AMZ1: variants seen among roughly 807,000 people sequenced by gnomAD.
AMZ1 encodes archaemetzincin-1.
AMZ1 carries 39 observed loss-of-function variants against 29.9 expected under a neutral mutation model. The observed-to-expected ratio is 1.30, with a 90% CI of 1.01 to 1.70. The LOEUF is 1.70. Ranked by LOEUF, AMZ1 falls within the 40% of genes most tolerant of loss-of-function variation. The pLI is 0.00. For synonymous variants in AMZ1, 458 were observed against 304.0 expected (o/e 1.51, Z -5.27); for missense variants, 1,041 against 680.6 (o/e 1.53, Z -5.89).
At chr7:2,695,866 C>T (rs959752506) in intron 1 of AMZ1, among the ~76,000 whole-genome samples, 40 of 151,858 alleles carry the variant, frequency 2.6e-4, no homozygotes, top group East Asian at 1.7e-3. Context: ...CAAAATTAGC[C>T]GGGCGTGGTG....
At chr7:2,707,639 A>T (rs1429294188) in intron 3 of AMZ1, among the ~76,000 whole-genome samples, 1 of 151,966 alleles carries the variant, frequency 6.6e-6, no homozygotes, top group Admixed American at 6.6e-5. Context: ...GAGCGCCCCC[A>T]CTGCCCAGGC....
intron 4 of AMZ1, among the ~76,000 whole-genome samples, chr7:2,741,562 C>G (rs1482320670): frequency 6.6e-6 from 1 of 152,120 alleles, no homozygotes; most frequent in Non-Finnish European, 1.5e-5. Context: ...AATTCCAAGT[C>G]TCTTTGGGGC....
intron 4 of AMZ1, chr7:2,733,402 G>A (rs1370247743): frequency 3.3e-6 from 4 of 1,205,110 alleles, no homozygotes; most frequent in Admixed American, 2.4e-5. Context: ...CTCTGGACAC[G>A]TTTTCTAACC....
At chr7:2,737,274 G>GTTTTGTTTTTTT (rs1790242698) in intron 4 of AMZ1, among the ~76,000 whole-genome samples, 1 of 35,032 alleles carries the variant, frequency 2.9e-5, no homozygotes, top group East Asian at 8.3e-4. Flanking sequence ...GTTTTGTTTT[G>GTTTTGTTTTTTT]TTTTTTTTTT....
At chr7:2,729,401 G>T (rs939711299) in intron 4 of AMZ1, 1 of 152,384 alleles carries the variant, frequency 6.6e-6, no homozygotes. Context: ...GGTCTGTGAA[G>T]AGCCACAGAA....
At chr7:2,754,269 A>G (rs1197473389) in intron 4 of AMZ1, among the ~76,000 whole-genome samples, 1 of 152,164 alleles carries the variant, frequency 6.6e-6, no homozygotes, top group Non-Finnish European at 1.5e-5. Flanking sequence ...CTTATGTGCC[A>G]TCGGCATGTC....
At chr7:2,732,477 T>C (rs1216105804) in intron 4 of AMZ1, among the ~76,000 whole-genome samples, 1 of 151,972 alleles carries the variant, frequency 6.6e-6, no homozygotes, top group East Asian at 1.9e-4. Context: ...ACCTAGGAGG[T>C]TGAGGCTACA....
intron 4 of AMZ1, among the ~76,000 whole-genome samples, chr7:2,753,215 C>T (rs751336914): frequency 6.6e-6 from 1 of 152,012 alleles, no homozygotes; most frequent in African/African-American, 2.4e-5. Context: ...AATGCAGCGG[C>T]ATGATCATGG....
chr7:2,740,312 T>C (rs966930709), intron 4 of AMZ1, among the ~76,000 whole-genome samples: 13 of 152,162 alleles, frequency 8.5e-5, no homozygotes, highest in African/African-American at 1.7e-4. Flanking sequence ...ATGGGGACTT[T>C]GGGAGGTGAC....
upstream of AMZ1, among the ~76,000 whole-genome samples, chr7:2,687,067 G>C (rs1048804397): frequency 6.6e-6 from 1 of 151,802 alleles, no homozygotes; most frequent in African/African-American, 2.4e-5. Flanking sequence ...GGTGGCTCAC[G>C]CCTGTACTCC....
At chr7:2,740,330 A>T (rs1292754270) in intron 4 of AMZ1, among the ~76,000 whole-genome samples, 2 of 152,240 alleles carry the variant, frequency 1.3e-5, no homozygotes, top group African/African-American at 4.8e-5. Flanking sequence ...GACTGAAGGT[A>T]GGGACCTCAT....
chr7:2,733,958 A>G (rs1486104833), intron 4 of AMZ1, among the ~76,000 whole-genome samples: 1 of 152,266 alleles, frequency 6.6e-6, no homozygotes, highest in Non-Finnish European at 1.5e-5. Context: ...CATCCTGACG[A>G]AAAGGAGCAT....
chr7:2,759,075 G>C (rs541084300), intron 4 of AMZ1, among the ~76,000 whole-genome samples: 32 of 151,784 alleles, frequency 2.1e-4, no homozygotes, highest in Middle Eastern at 3.4e-3. Flanking sequence ...AGGGGGCGGA[G>C]GTTGCAATGA....
rs1218693114 is a variant in AMZ1, at chr7:2,700,442, C to T, written c.-10C>T. ...GGCTCCCAGGAGTGGCCAGGCCCTG[C>T]CCGCCCACCATGCTGCAGTGTAGAC... On this transcript the variant is annotated 5_prime_UTR_variant, in exon 2 of 7. Coordinates refer to ENST00000683327, the MANE Select transcript of AMZ1 (RefSeq NM_001384743.1). The T allele has an allele frequency of 1.9e-6, 3 of 1,593,372 alleles. No individual in the cohort carries two copies. The highest frequency in any genetic ancestry group is 2.6e-6 in the Non-Finnish European group (3 of 1,175,666).
chr7:2,718,702 C>G lies in AMZ1; in HGVS notation c.*5824C>G. 6.6e-6 allele frequency among the ~76,000 whole-genome samples: 1 copy of G among 152,234 alleles called. No homozygotes were observed. The highest frequency in any genetic ancestry group is 2.4e-5 in the African/African-American group (1 of 41,462). On this transcript the variant is annotated 3_prime_UTR_variant, in exon 7 of 7. Transcript: ENST00000683327. ...TTTCTCACGTAGGAGCTCCACTGTC[C>G]CTTCTAACAGGACAGGGCTTGTGCA... is the stretch of plus-strand genomic sequence containing the variant.
rs758365016 is a variant in AMZ1, at chr7:2,709,640, G to T, written c.772G>T (p.Val258Phe). 1.2e-6 allele frequency: 2 copies of T among 1,608,196 alleles called. No individual in the cohort carries two copies. Among genetic ancestry groups the T allele is most frequent in the East Asian group, 4.5e-5 (2 of 44,844 alleles). The stretch of plus-strand genomic sequence containing the variant: ...AGGTGCTTGGTGGCCTTCCCCCCAG[G>T]TCACGTGCCACGAGCTCTGCCACCT... ...SALGMVQCCK[V>F]TCHELCHLLG... Residue 258 changes from valine to phenylalanine, a missense_variant and splice_region_variant, in exon 6 of 7, where the codon GTC (valine) becomes TTC (phenylalanine). Coordinates refer to ENST00000683327, the MANE Select transcript of AMZ1 (RefSeq NM_001384743.1).
At position 2,742,474 on chromosome 7, in the gene AMZ1, T is replaced by G. The variant is rs564338758; in HGVS notation, n.551-22238T>G. 3.3e-5 allele frequency among the ~76,000 whole-genome samples: 5 copies of G among 152,346 alleles called. No individual in the cohort carries two copies. The East Asian group carries it at 9.6e-4, about 29-fold the overall frequency. On this transcript the variant is annotated intron_variant and non_coding_transcript_variant, in intron 4 of 4. Transcript: ENST00000489665. ...GACATTCCACTGTCAACAAGAGCCCTGCTCCTGTTTATCTCATCGCTGTCC... is the reference window on the plus strand; with the variant it reads ...GACATTCCACTGTCAACAAGAGCCCGGCTCCTGTTTATCTCATCGCTGTCC...
intron 4 of AMZ1, among the ~76,000 whole-genome samples, chr7:2,725,960 C>A (rs1789599992): frequency 6.6e-6 from 1 of 152,228 alleles, no homozygotes; most frequent in Admixed American, 6.5e-5. Flanking sequence ...GACCAGCTCC[C>A]CTGAACGCCA....
At chr7:2,699,175 G>A (rs542857938) in intron 1 of AMZ1, among the ~76,000 whole-genome samples, 3 of 152,172 alleles carry the variant, frequency 2.0e-5, no homozygotes, top group South Asian at 2.1e-4. Context: ...CTCTCCATCC[G>A]CCCTGGCAGG....
Sources: gnomAD v4.1 joint callset for allele counts (sites outside exome capture counted in the v4.1 genomes callset) on GRCh38, gnomAD v4.1.1 for gene constraint, MANE v1.5 for transcripts, NCBI Gene and HGNC (gene_info 2026-07-23, HGNC 2026-07-21) for gene names.